Variants in ABL1 observed in about 807,000 individuals in gnomAD.
ABL1 encodes the protein tyrosine-protein kinase ABL1.
A neutral mutation model predicts 94.7 loss-of-function variants in ABL1; 11 were observed. The ratio of observed to expected loss-of-function variants is 0.12; its 90% CI spans 0.07 to 0.19. The LOEUF (loss-of-function observed/expected upper bound fraction) is 0.19. ABL1 is among the 10% of genes least tolerant of loss of function. The pLI, the probability that ABL1 is intolerant of heterozygous loss-of-function variation, is 1.00. For synonymous variants in ABL1, 656 were observed against 622.4 expected (o/e 1.05, Z -0.80); for missense variants, 1,082 against 1,489.4 (o/e 0.73, Z 4.50).
rs1338400730 is a variant in ABL1, at chr9:130,872,897, T to G, written c.945T>G (p.Thr315=). ...GGGAGCCCCCGTTCTATATCATCAC[T>G]GAGTTCATGACCTACGGGAACCTCC... ...CTREPPFYII[T]EFMTYGNLLD... The change falls in exon 6 of 11, where the codon ACT becomes ACG. Residue 315 remains threonine (T), a synonymous_variant. Coordinates refer to ENST00000318560, the MANE Select transcript of ABL1 (RefSeq NM_005157.6). This position sits in a 1 kb window ranked among gnomAD's most constrained non-coding sequence, Gnocchi z 5.0. 2 of 1,613,902 alleles carry G rather than the reference T, an allele frequency of 1.2e-6. No homozygotes were observed. Among genetic ancestry groups the G allele is most frequent in the Non-Finnish European group, 1.7e-6 (2 of 1,179,934 alleles).
intron 1 of ABL1, among the ~76,000 whole-genome samples, chr9:130,733,881 C>T (rs1015527390): frequency 5.9e-5 from 9 of 152,138 alleles, no homozygotes; most frequent in Non-Finnish European, 8.8e-5. Flanking sequence ...TGAGCCACTA[C>T]GCCTGGCCTG....
intron 3 of ABL1, among the ~76,000 whole-genome samples, chr9:130,859,883 G>A (rs955785913): frequency 1.3e-5 from 2 of 151,858 alleles, no homozygotes; most frequent in Admixed American, 1.3e-4. Context: ...GTTTCACCAT[G>A]TTGGCCAGGC....
chr9:130,755,339 C>T (rs1285636267), intron 1 of ABL1, among the ~76,000 whole-genome samples: 2 of 152,038 alleles, frequency 1.3e-5, no homozygotes, highest in African/African-American at 2.4e-5. Context: ...GTGAGTCTGG[C>T]GACTAGAAAT....
At chr9:130,793,650 C>T (rs1299695765) in intron 1 of ABL1, among the ~76,000 whole-genome samples, 1 of 152,106 alleles carries the variant, frequency 6.6e-6, no homozygotes, top group Non-Finnish European at 1.5e-5. Context: ...TTATTGAGTG[C>T]AGTTTCAAAC....
In ABL1 at chr9:130,885,813, C is replaced by T. The variant is rs1831571680; in HGVS notation, c.*130C>T. 3 of 1,268,892 alleles carry T rather than the reference C, an allele frequency of 2.4e-6. No homozygotes were observed. The highest frequency in any genetic ancestry group is 5.1e-5 in the East Asian group (2 of 39,372). 78.6% of individuals were successfully genotyped at this position (1,268,892 alleles called of 1,614,324 possible). On this transcript the variant is annotated 3_prime_UTR_variant, in exon 11 of 11. Coordinates refer to ENST00000318560, the MANE Select transcript of ABL1 (RefSeq NM_005157.6). The stretch of plus-strand genomic sequence containing the variant: ...CTTGGCCCAGGAGCTCTGCGCCAGG[C>T]AGAGCTGAGGGCCCTGTGGAGTCCA...
At chr9:130,758,183 C>T (rs1208460450) in intron 1 of ABL1, among the ~76,000 whole-genome samples, 2 of 149,636 alleles carry the variant, frequency 1.3e-5, no homozygotes, top group Non-Finnish European at 3.0e-5. Flanking sequence ...TTTTTTGAGA[C>T]AGAGTCTCGC....
intron 1 of ABL1, among the ~76,000 whole-genome samples, chr9:130,780,457 G>C (rs982903813): frequency 2.6e-5 from 4 of 152,136 alleles, no homozygotes; most frequent in African/African-American, 9.7e-5. Context: ...GTGATATTGG[G>C]GCTGATCTTG....
intron 1 of ABL1, among the ~76,000 whole-genome samples, chr9:130,836,829 A>G (rs1261652438): frequency 1.0e-5 from 1 of 97,542 alleles, no homozygotes; most frequent in East Asian, 2.3e-4. Context: ...GGTCTCAAAA[A>G]AAAAAAAAAA....
chr9:130,829,674 G>T (rs907845362), intron 1 of ABL1, among the ~76,000 whole-genome samples: 10 of 152,004 alleles, frequency 6.6e-5, no homozygotes, highest in African/African-American at 2.2e-4. Context: ...GAGGGAAAAT[G>T]GTGATAGGTA....
chr9:130,714,147 A>G (rs1588207101), exon 1 of ABL1: 2 of 544,946 alleles, frequency 3.7e-6, no homozygotes, highest in Non-Finnish European at 5.7e-6. Flanking sequence ...TCAACCTAAA[A>G]AAAGTGCTTC....
At chr9:130,857,554 C>CCAAG (rs1830994362) in intron 3 of ABL1, among the ~76,000 whole-genome samples, 1 of 152,006 alleles carries the variant, frequency 6.6e-6, no homozygotes. Context: ...TATCCGTATG[C>CCAAG]CAGTACCAAA....
chr9:130,885,978 A>G lies in ABL1; in HGVS notation c.*295A>G, dbSNP rs1240491618. ...GCCAGGACCCGCCAGCCCCGCTCCC[A>G]CCTAGTGCCCCAGACTGAGCTCTCC... On this transcript the variant is annotated 3_prime_UTR_variant, in exon 11 of 11. Coordinates refer to ENST00000318560, the MANE Select transcript of ABL1 (RefSeq NM_005157.6). 1.4e-5 allele frequency: 6 copies of G among 430,002 alleles called. No individual in the cohort carries two copies. Among genetic ancestry groups the G allele is most frequent in the East Asian group, 3.9e-5 (1 of 25,330 alleles). The allele number at this position is 430,002 out of a possible 1,614,324, so 26.6% of individuals were successfully genotyped here.
In ABL1 at chr9:130,886,578, C is replaced by T. The variant is rs1230085229; in HGVS notation, c.*895C>T. On this transcript the variant is annotated 3_prime_UTR_variant, in exon 11 of 11. Coordinates refer to ENST00000318560, the MANE Select transcript of ABL1 (RefSeq NM_005157.6). ...GGCTAGTGGGGTGAACAGCTGGTGCCAAATAGCCCCAGACTGGGCCCAGGC... is the reference window on the plus strand; with the variant it reads ...GGCTAGTGGGGTGAACAGCTGGTGCTAAATAGCCCCAGACTGGGCCCAGGC... 1 of 233,390 alleles carries T rather than the reference C, an allele frequency of 4.3e-6. No homozygotes were observed. Among genetic ancestry groups the T allele is most frequent in the Non-Finnish European group, 8.5e-6 (1 of 118,016 alleles). 14.5% of individuals were successfully genotyped at this position (233,390 alleles called of 1,614,324 possible). A position where few individuals can be genotyped will look rare whatever the true frequency, so the allele number is the denominator to read the frequency against.
At chr9:130,714,204 C>G in exon 1 of ABL1, 1 of 1,074,678 alleles carries the variant, frequency 9.3e-7, no homozygotes, top group Non-Finnish European at 1.3e-6. Flanking sequence ...CAATTGCTGA[C>G]TTGTGGAGAT....
upstream of ABL1, among the ~76,000 whole-genome samples, chr9:130,831,415 A>T (rs913031830): frequency 5.3e-5 from 8 of 151,054 alleles, no homozygotes; most frequent in South Asian, 8.4e-4. Flanking sequence ...ATTCCAAATT[A>T]AAAAAAAAAT....
At position 130,863,952 on chromosome 9, in the gene ABL1, C is replaced by T. The variant is rs1831115756; in HGVS notation, c.822+917C>T. Among the ~76,000 whole-genome samples the T allele has an allele frequency of 6.6e-6, 1 of 152,194 alleles. No individual in the cohort carries two copies. The highest frequency in any genetic ancestry group is 1.5e-5 in the Non-Finnish European group (1 of 68,042). On this transcript the variant is annotated intron_variant, in intron 4 of 10. Transcript: ENST00000318560. This position sits in a 1 kb window ranked among gnomAD's most constrained non-coding sequence, Gnocchi z 4.3. ...AATAGAGTTTAGTTTGTGCATGTGT[C>T]TCAGAAGTCAGGTGCACACATTGAG...
intron 1 of ABL1, among the ~76,000 whole-genome samples, chr9:130,821,736 C>T (rs1034066541): frequency 3.3e-5 from 5 of 150,504 alleles, no homozygotes; most frequent in Non-Finnish European, 7.4e-5. Context: ...AATCTTGGCT[C>T]ACTGCAACTT....
intron 1 of ABL1, among the ~76,000 whole-genome samples, chr9:130,758,728 C>G (rs12352044): frequency 1.3e-5 from 2 of 152,204 alleles, no homozygotes; most frequent in Non-Finnish European, 2.9e-5. Context: ...CCACCGCATC[C>G]GGCCCCAATT....
intron 1 of ABL1, among the ~76,000 whole-genome samples, chr9:130,771,752 C>CT (rs57339049): frequency 2.8e-5 from 3 of 106,912 alleles, no homozygotes; most frequent in East Asian, 3.0e-4. Flanking sequence ...TTCTTTCTTT[C>CT]TTTTTTTTTT....
Sources: allele counts gnomAD v4.1 joint callset (sites outside exome capture counted in the v4.1 genomes callset), GRCh38; gene constraint gnomAD v4.1.1; non-coding constraint Gnocchi (gnomAD v3.1); transcripts MANE v1.5; gene names NCBI Gene and HGNC (gene_info 2026-07-23, HGNC 2026-07-21).